MAP3K19: variants seen among roughly 807,000 people sequenced by gnomAD.
MAP3K19 encodes the protein SPS1/STE20-related protein kinase YSK4.
A neutral mutation model predicts 114.4 loss-of-function variants in MAP3K19; 91 were observed. The observed-to-expected ratio is 0.80, with a 90% CI of 0.67 to 0.95. The LOEUF is 0.95. Ranked by LOEUF, MAP3K19 falls within the 40% of genes least tolerant of loss-of-function variation. MAP3K19 has a pLI of 0.00. For missense variants in MAP3K19, 1,471 were observed against 1,573.2 expected (o/e 0.94, Z 1.10); for synonymous variants, 518 against 530.5 (o/e 0.98, Z 0.32).
At chr2:134,983,510 C>T in intron 11 of MAP3K19, 166 bp downstream of exon 11, 2 of 613,878 alleles carry the variant, frequency 3.3e-6, no homozygotes, top group Non-Finnish European at 5.8e-6. Flanking sequence ...AGTAACTGTC[C>T]TTTCCCTCAG....
chr2:135,045,655 A>C (rs1334536118), intron 1 of MAP3K19, among the ~76,000 whole-genome samples: 1 of 152,202 alleles, frequency 6.6e-6, no homozygotes, highest in Non-Finnish European at 1.5e-5. Flanking sequence ...TTGTAATTTA[A>C]CTTTTTAATG....
chr2:135,007,402 T>G (rs192844884), intron 5 of MAP3K19, among the ~76,000 whole-genome samples: 2 of 152,318 alleles, frequency 1.3e-5, no homozygotes. Flanking sequence ...ATTCATCACA[T>G]CAAGCATTTA....
chr2:134,982,921 G>A (rs149729835), intron 11 of MAP3K19, among the ~76,000 whole-genome samples: 4 of 152,264 alleles, frequency 2.6e-5, no homozygotes, highest in Admixed American at 6.5e-5. Context: ...TAAAGTGCTA[G>A]GGTTTAGATA....
At chr2:135,007,931 T>C (rs1686946485) in intron 5 of MAP3K19, among the ~76,000 whole-genome samples, 1 of 152,244 alleles carries the variant, frequency 6.6e-6, no homozygotes, top group African/African-American at 2.4e-5. Flanking sequence ...GAGCAAACAC[T>C]GTTAACACAG....
At chr2:134,998,050 A>C (rs1372227125) in intron 8 of MAP3K19, among the ~76,000 whole-genome samples, 5 of 152,160 alleles carry the variant, frequency 3.3e-5, no homozygotes, top group African/African-American at 1.2e-4. Context: ...AACAAGTAGC[A>C]AAGACAATAT....
chr2:134,976,687 A>C (rs1303844780), intron 12 of MAP3K19, among the ~76,000 whole-genome samples: 1 of 152,110 alleles, frequency 6.6e-6, no homozygotes, highest in Non-Finnish European at 1.5e-5. Flanking sequence ...GTGAAAATGG[A>C]AATAAATACT....
chr2:135,037,597 T>C (rs1688561085), intron 2 of MAP3K19, among the ~76,000 whole-genome samples: 1 of 152,186 alleles, frequency 6.6e-6, no homozygotes, highest in African/African-American at 2.4e-5. Flanking sequence ...ATGGGTCTCT[T>C]ACATTTCTGC....
intron 3 of MAP3K19, among the ~76,000 whole-genome samples, chr2:135,026,347 C>G (rs1450915142): frequency 6.6e-6 from 1 of 152,168 alleles, no homozygotes; most frequent in African/African-American, 2.4e-5. Context: ...TCTGGGATGA[C>G]GTCCAGGAAT....
chr2:134,976,392 C>T (rs1684238538), intron 12 of MAP3K19, among the ~76,000 whole-genome samples: 1 of 152,158 alleles, frequency 6.6e-6, no homozygotes, highest in South Asian at 2.1e-4. Context: ...CACTGAGGAT[C>T]TCTCACCCTT....
chr2:134,977,047 GA>G (rs369837575), intron 12 of MAP3K19, among the ~76,000 whole-genome samples: 1,164 of 116,156 alleles, frequency 0.01, 5 homozygotes, highest in Middle Eastern at 0.018. Context: ...CTCCGTCTCG[GA>G]AAAAAAAAAA....
chr2:134,981,118 G>A lies in MAP3K19; in HGVS notation c.3623C>T (p.Ala1208Val). 1.2e-6 allele frequency: 2 copies of A among 1,614,166 alleles called. No homozygotes were observed. Residue 1208 changes from alanine (A) to valine (V), a missense_variant, in exon 12 of 13, where the codon GCC (alanine) becomes GTC (valine). Ala to Val is a moderately conservative substitution (Grantham distance 64, BLOSUM62 0). Coordinates refer to ENST00000392915, the MANE Select transcript of MAP3K19 (RefSeq NM_025052.5). Reference protein sequence around the residue: ...GIIKLIDFGCARRLAWAGLNG... With the variant: ...GIIKLIDFGCVRRLAWAGLNG... The stretch of plus-strand genomic sequence containing the variant: ...TAAACCTGCCCAGGCCAAACGCCTG[G>A]CACAGCCAAAGTCAATCAGCTTTAT...
chr2:134,999,112 G>T lies in MAP3K19; in HGVS notation c.315-115C>A. On this transcript the variant is annotated intron_variant, in intron 7 of 12. Transcript: ENST00000392915. The surrounding 1 kb of genome is among the most constrained non-coding windows in gnomAD (Gnocchi z 4.1). ...GTTTGAAGAACTACTTCCAAATGGT[G>T]CTGCTGAAAGGAAAGGCTGAATCCT... 1.7e-6 allele frequency: 2 copies of T among 1,211,180 alleles called. No homozygotes were observed. The highest frequency in any genetic ancestry group is 2.3e-6 in the Non-Finnish European group (2 of 865,806). The allele number at this position is 1,211,180 out of a possible 1,614,324, so 75.0% of individuals were successfully genotyped here. A position where few individuals can be genotyped will look rare whatever the true frequency, so the allele number is the denominator to read the frequency against.
rs1265659065 is a variant in MAP3K19, at chr2:134,991,574, G to A, written c.581C>T (p.Ser194Leu). ...KEQQRKSEEF[S>L]TSHMKYSGRS... The stretch of plus-strand genomic sequence containing the variant: ...GCCACTGTACTTCATATGAGAGGTC[G>A]AAAACTCTACAACAAGAAAAACAAT... The change falls in exon 9 of 13, where the codon TCG (serine) becomes TTG (leucine). Residue 194 changes from serine to leucine, a missense_variant. Coordinates refer to ENST00000392915, the MANE Select transcript of MAP3K19 (RefSeq NM_025052.5). 11 of 1,612,896 alleles carry A rather than the reference G, an allele frequency of 6.8e-6. No individual in the cohort carries two copies. The highest frequency in any genetic ancestry group is 2.2e-5 in the South Asian group (2 of 91,058).
At chr2:135,043,637 G>A (rs1688687977) in intron 1 of MAP3K19, among the ~76,000 whole-genome samples, 1 of 152,120 alleles carries the variant, frequency 6.6e-6, no homozygotes, top group Non-Finnish European at 1.5e-5. Context: ...GTGTAAATTA[G>A]GGTTCACTCT....
chr2:135,028,608 A>C (rs1478879903), intron 3 of MAP3K19, among the ~76,000 whole-genome samples: 2 of 152,170 alleles, frequency 1.3e-5, no homozygotes, highest in Non-Finnish European at 2.9e-5. Flanking sequence ...CTGTATTTAC[A>C]TAGTCAAATG....
In MAP3K19 at chr2:134,987,298, T is replaced by C; in HGVS notation, c.1574A>G (p.Glu525Gly). ...GGAATTCATCTTATGCTTGTCATTT[T>C]CTTGGTGTACAGGTATGTTGACACT... is the stretch of plus-strand genomic sequence containing the variant. ...NHSVNIPVHQ[E>G]NDKHKMNSHR... is the part of the protein sequence containing the mutation. Residue 525 changes from glutamate (E) to glycine (G), a missense_variant, in exon 10 of 13, where the codon GAA (glutamate) becomes GGA (glycine). By Grantham distance (98) the Glu-to-Gly change is moderately conservative. Coordinates refer to ENST00000392915, the MANE Select transcript of MAP3K19 (RefSeq NM_025052.5). 6.2e-7 allele frequency: 1 copy of C among 1,614,214 alleles called. No individual in the cohort carries two copies. The highest frequency in any genetic ancestry group is 1.1e-5 in the South Asian group (1 of 91,090).
intron 4 of MAP3K19, chr2:135,023,323 C>A (rs912082655): frequency 7.1e-6 from 3 of 425,432 alleles, no homozygotes; most frequent in South Asian, 3.6e-5. Context: ...ATGTCCCCAC[C>A]GCTCCTCTCT....
intron 12 of MAP3K19, 144 bp downstream of exon 12, chr2:134,980,677 A>T: frequency 1.4e-6 from 1 of 698,484 alleles, no homozygotes; most frequent in Non-Finnish European, 2.4e-6. Context: ...ATGACTGATT[A>T]TGATTACTTT....
At chr2:134,997,528 A>T (rs1010698926) in intron 8 of MAP3K19, among the ~76,000 whole-genome samples, 1 of 152,076 alleles carries the variant, frequency 6.6e-6, no homozygotes, top group Non-Finnish European at 1.5e-5. Context: ...AATAAAACAA[A>T]AAAAAATTTA....
Sources: gnomAD v4.1 joint callset for allele counts (sites outside exome capture counted in the v4.1 genomes callset) on GRCh38, gnomAD v4.1.1 for gene constraint, Gnocchi (gnomAD v3.1) non-coding constraint, MANE v1.5 for transcripts, NCBI Gene and HGNC (gene_info 2026-07-23, HGNC 2026-07-21) for gene names.